Variants in ZNF563 observed in about 807,000 individuals in gnomAD.
ZNF563 encodes the protein zinc finger protein 563.
ZNF563 carries 39 observed loss-of-function variants against 48.5 expected under a neutral mutation model. The ratio of observed to expected loss-of-function variants is 0.80; its 90% CI spans 0.62 to 1.05. ZNF563 has a LOEUF of 1.05. Among genes scored for constraint, ZNF563 ranks in the 50% least tolerant of loss-of-function variants. The pLI, the probability that ZNF563 is intolerant of heterozygous loss-of-function variation, is 0.00. For synonymous variants in ZNF563, 168 were observed against 187.9 expected (o/e 0.89, Z 0.87); for missense variants, 538 against 597.0 (o/e 0.90, Z 1.03).
intron 1 of ZNF563, among the ~76,000 whole-genome samples, chr19:12,324,718 A>G (rs1968735203): frequency 7.3e-6 from 1 of 137,238 alleles, no homozygotes; most frequent in Non-Finnish European, 1.6e-5. Context: ...ACTCCGTCTC[A>G]AGAAAAAAAA....
chr19:12,320,258 A>G (rs1215222132), intron 3 of ZNF563, among the ~76,000 whole-genome samples: 4 of 151,782 alleles, frequency 2.6e-5, no homozygotes, highest in Admixed American at 1.3e-4. Flanking sequence ...TGTAGGCTTC[A>G]TGCCCTGTTT....
chr19:12,322,928 G>A (rs1968672646), intron 1 of ZNF563, among the ~76,000 whole-genome samples: 1 of 152,146 alleles, frequency 6.6e-6, no homozygotes, highest in African/African-American at 2.4e-5. Flanking sequence ...AATAGGAACA[G>A]GTCTCTTCTT....
At chr19:12,331,032 C>T (rs1268619568) in intron 1 of ZNF563, among the ~76,000 whole-genome samples, 1 of 152,118 alleles carries the variant, frequency 6.6e-6, no homozygotes, top group Non-Finnish European at 1.5e-5. Context: ...TACACAGGCT[C>T]TGTGTAGTAC....
chr19:12,319,916 CT>C (rs61319567), intron 3 of ZNF563, 83 bp from the exon 4 acceptor site: 128,561 of 1,033,658 alleles, frequency 0.12, 2 homozygotes, highest in South Asian at 0.17. Context: ...ATTGGATGTA[CT>C]TTTTTTTTTT....
rs1045228378 is a variant in ZNF563 at position 12,317,958 on chromosome 19, T to C, written c.*636A>G. 5.5e-6 allele frequency: 1 copy of C among 180,240 alleles called. No homozygotes were observed. 11.2% of individuals were successfully genotyped at this position (180,240 alleles called of 1,614,324 possible). On this transcript the variant is annotated 3_prime_UTR_variant, in exon 4 of 4. Transcript: ENST00000293725. The stretch of plus-strand genomic sequence containing the variant: ...GACCTGAGAGAACTCAATGCTTTTC[T>C]ACATTTCTTACATTCATATGACTTC...
chr19:12,319,023 A>G lies in ZNF563; in HGVS notation c.1002T>C (p.Asp334=), dbSNP rs1037265778. ...FQIHMKRHTG[D]RPHKCKICGK... ...CACATATCTTACATTTATGAGGTCG[A>G]TCTCCAGTGTGCCTTTTCATGTGTA... Residue 334 remains aspartate, a synonymous_variant, in exon 4 of 4, where the codon GAT becomes GAC. Coordinates refer to ENST00000293725, the MANE Select transcript of ZNF563 (RefSeq NM_145276.3). 2 of 1,614,030 alleles carry G rather than the reference A, an allele frequency of 1.2e-6. No homozygotes were observed. The highest frequency in any genetic ancestry group is 1.7e-5 in the Admixed American group (1 of 59,996).
Position 12,321,255 on chromosome 19 carries a change from C to T in ZNF563, c.191+17G>A, listed in dbSNP as rs1271890024. Reference sequence around the variant, plus strand: ...ATCACTTCAGAAACATAACTTTCTCCTGTGAGTGCAAATTACCTTAGATTT... The same window carrying T: ...ATCACTTCAGAAACATAACTTTCTCTTGTGAGTGCAAATTACCTTAGATTT... On this transcript the variant is annotated intron_variant, in intron 3 of 3. Transcript: ENST00000293725. The T allele has an allele frequency of 1.3e-6, 2 of 1,545,386 alleles. No individual in the cohort carries two copies. The highest frequency in any genetic ancestry group is 1.9e-5 in the Admixed American group (1 of 53,366).
intron 1 of ZNF563, among the ~76,000 whole-genome samples, chr19:12,328,722 TTG>T (rs1968853871): frequency 6.6e-6 from 1 of 152,038 alleles, no homozygotes; most frequent in Admixed American, 6.6e-5. Flanking sequence ...TGAGCCGAAA[TTG>T]TGCCACTGTA....
chr19:12,339,836 AAGT>A, the ZNF563 span, among the ~76,000 whole-genome samples: 3 of 152,232 alleles, frequency 2.0e-5, no homozygotes, highest in Admixed American at 1.3e-4. Flanking sequence ...AACGAACTCT[AAGT>A]AGGATGAATA....
intron 1 of ZNF563, among the ~76,000 whole-genome samples, chr19:12,324,078 C>T (rs771753170): frequency 6.6e-6 from 1 of 152,188 alleles, no homozygotes; most frequent in African/African-American, 2.4e-5. Context: ...TCACTACCAG[C>T]TAGGTACCAT....
At chr19:12,324,576 G>T (rs574313822) in intron 1 of ZNF563, among the ~76,000 whole-genome samples, 33 of 152,116 alleles carry the variant, frequency 2.2e-4, no homozygotes, top group African/African-American at 7.5e-4. Flanking sequence ...AATTAGCCAG[G>T]CGTGATGGCG....
At chr19:12,325,311 C>T (rs1040078327) in intron 1 of ZNF563, among the ~76,000 whole-genome samples, 7 of 152,096 alleles carry the variant, frequency 4.6e-5, no homozygotes, top group Admixed American at 3.9e-4. Context: ...GAAACCCCGT[C>T]TCTACTAAAA....
Position 12,318,260 on chromosome 19 carries a change from T to TG in ZNF563, c.*333dup, listed in dbSNP as rs951930665. The TG allele has an allele frequency of 6.9e-5, 20 of 291,642 alleles. No individual in the cohort carries two copies. Among genetic ancestry groups the TG allele is most frequent in the Admixed American group, 5.3e-4 (11 of 20,710 alleles). 18.1% of individuals were successfully genotyped at this position (291,642 alleles called of 1,614,324 possible). Reference sequence around the variant, plus strand: ...CAAGCAATTTGCCCACCCTAAGTGCTGGGATTACAGGCGTGAGCCACTGTG... The same window carrying TG: ...CAAGCAATTTGCCCACCCTAAGTGCTGGGGATTACAGGCGTGAGCCACTGTG... On this transcript the variant is annotated 3_prime_UTR_variant, in exon 4 of 4. Transcript: ENST00000293725.
chr19:12,325,793 T>C (rs1968777928), intron 1 of ZNF563, among the ~76,000 whole-genome samples: 1 of 152,206 alleles, frequency 6.6e-6, no homozygotes, highest in South Asian at 2.1e-4. Context: ...TTTTGTATGT[T>C]TCATCTTCCT....
chr19:12,326,251 A>G (rs1465136839), intron 1 of ZNF563, among the ~76,000 whole-genome samples: 1 of 152,212 alleles, frequency 6.6e-6, no homozygotes, highest in Non-Finnish European at 1.5e-5. Context: ...AATCAATAAA[A>G]ATTAGAAATT....
upstream of ZNF563, among the ~76,000 whole-genome samples, chr19:12,335,491 G>C (rs1969009100): frequency 6.6e-6 from 1 of 152,186 alleles, no homozygotes; most frequent in South Asian, 2.1e-4. Context: ...GAATCGTCTT[G>C]GGCCACATAT....
intron 1 of ZNF563, among the ~76,000 whole-genome samples, chr19:12,329,895 G>T (rs1418942118): frequency 6.6e-6 from 1 of 151,906 alleles, no homozygotes; most frequent in Non-Finnish European, 1.5e-5. Context: ...GAAGTAGGTA[G>T]GTAGGTAATA....
At chr19:12,343,015 G>A in the ZNF563 span, among the ~76,000 whole-genome samples, 1 of 150,924 alleles carries the variant, frequency 6.6e-6, no homozygotes, top group Admixed American at 6.6e-5. Flanking sequence ...GGCCAACATG[G>A]TGAAACCCTG....
At chr19:12,325,399 G>A (rs1263094606) in intron 1 of ZNF563, among the ~76,000 whole-genome samples, 2 of 151,596 alleles carry the variant, frequency 1.3e-5, no homozygotes, top group Admixed American at 6.6e-5. Flanking sequence ...GAACCTGGCA[G>A]GCAGAGGTTG....
Sources: allele counts gnomAD v4.1 joint callset (sites outside exome capture counted in the v4.1 genomes callset), GRCh38; gene constraint gnomAD v4.1.1; transcripts MANE v1.5; gene names NCBI Gene and HGNC (gene_info 2026-07-23, HGNC 2026-07-21).